The following KIAA0825 variants were observed in gnomAD, a reference collection of about 807,000 sequenced individuals.
The protein encoded by KIAA0825 is KIAA0825.
A neutral mutation model predicts 147.6 loss-of-function variants in KIAA0825; 119 were observed. The observed-to-expected ratio is 0.81, with a 90% CI of 0.69 to 0.94. The LOEUF (loss-of-function observed/expected upper bound fraction) is 0.94, where lower values mean the gene tolerates loss of function less well. Among genes scored for constraint, KIAA0825 ranks in the 40% least tolerant of loss-of-function variants. The pLI is 0.00. For synonymous variants in KIAA0825, 470 were observed against 518.1 expected (o/e 0.91, Z 1.26); for missense variants, 1,381 against 1,472.7 (o/e 0.94, Z 1.02).
At chr5:94,231,413 T>C (rs1343132799) in intron 20 of KIAA0825, among the ~76,000 whole-genome samples, 2 of 152,264 alleles carry the variant, frequency 1.3e-5, no homozygotes, top group Middle Eastern at 3.4e-3. Context: ...GGAGATAGTC[T>C]GAAATACTGC....
chr5:94,326,078 T>C lies in KIAA0825; in HGVS notation c.3710+58290A>G, dbSNP rs547452614. Among the ~76,000 whole-genome samples, 6 of 152,224 alleles carry C rather than the reference T, an allele frequency of 3.9e-5. No homozygotes were observed. The South Asian group carries it at 8.3e-4, about 21-fold the overall frequency. ...ATATTAATTCACCTTTTTAAAGATA[T>C]TATGTGTTGCTCCATTTTTTTGACA... On this transcript the variant is annotated intron_variant, in intron 20 of 20. Coordinates refer to ENST00000682413, the MANE Select transcript of KIAA0825 (RefSeq NM_001145678.3).
intron 20 of KIAA0825, among the ~76,000 whole-genome samples, chr5:94,224,082 C>CTTT (rs869059424): frequency 3.2e-3 from 182 of 56,474 alleles, no homozygotes; most frequent in Non-Finnish European, 3.6e-3. Flanking sequence ...TTTTTCTTTT[C>CTTT]TTTTTTTTTT....
Position 94,415,418 on chromosome 5 carries a change from A to G in KIAA0825, c.2662+1783T>C, listed in dbSNP as rs186993798. On this transcript the variant is annotated intron_variant, in intron 15 of 20. Transcript: ENST00000682413. Reference sequence around the variant, plus strand: ...TATGTTTCCAAATTAAACAAAAGTCATAGTAAAAGGCTTAATTTCGTTATG... The same window carrying G: ...TATGTTTCCAAATTAAACAAAAGTCGTAGTAAAAGGCTTAATTTCGTTATG... 9.8e-5 allele frequency: 15 copies of G among 152,316 alleles called. No individual in the cohort carries two copies. The East Asian group carries it at 2.9e-3, about 29-fold the overall frequency. 9.4% of individuals were successfully genotyped at this position (152,316 alleles called of 1,614,324 possible). A position where few individuals can be genotyped will look rare whatever the true frequency, so the allele number is the denominator to read the frequency against.
intron 20 of KIAA0825, among the ~76,000 whole-genome samples, chr5:94,162,818 CTG>C (rs1330458657): frequency 2.0e-5 from 3 of 152,152 alleles, no homozygotes; most frequent in Non-Finnish European, 4.4e-5. Context: ...ACACTGTAAT[CTG>C]TACCTTTTAA....
At chr5:94,224,477 A>G (rs1202388429) in intron 20 of KIAA0825, among the ~76,000 whole-genome samples, 1 of 152,078 alleles carries the variant, frequency 6.6e-6, no homozygotes, top group Non-Finnish European at 1.5e-5. Context: ...TCAGAGGAGA[A>G]TATACTTTTT....
intron 20 of KIAA0825, among the ~76,000 whole-genome samples, chr5:94,238,358 A>G (rs1775170887): frequency 6.6e-6 from 1 of 152,314 alleles, no homozygotes; most frequent in Non-Finnish European, 1.5e-5. Context: ...AAAATGATTC[A>G]GTTTATAGCC....
chr5:94,295,778 C>G (rs535965379), intron 20 of KIAA0825, among the ~76,000 whole-genome samples: 1 of 152,302 alleles, frequency 6.6e-6, no homozygotes, highest in South Asian at 2.1e-4. Flanking sequence ...AGATTGCTGC[C>G]TGTTCCTTCC....
At chr5:94,494,579 A>T (rs936878241) in intron 5 of KIAA0825, among the ~76,000 whole-genome samples, 4 of 152,164 alleles carry the variant, frequency 2.6e-5, no homozygotes, top group Admixed American at 1.3e-4. Context: ...CCTAATAAAA[A>T]GACATCTCTA....
chr5:94,386,796 T>C lies in KIAA0825; in HGVS notation c.3457-392A>G, dbSNP rs186758287. Among the ~76,000 whole-genome samples, 166 of 152,356 alleles carry C rather than the reference T, an allele frequency of 1.1e-3. 1 individual carries two copies. Among genetic ancestry groups the C allele is most frequent in the African/African-American group, 3.7e-3 (153 of 41,586 alleles). On this transcript the variant is annotated intron_variant, in intron 18 of 20. Coordinates refer to ENST00000682413, the MANE Select transcript of KIAA0825 (RefSeq NM_001145678.3). ...TAAGATTGCCCATCCATTCATTAAG[T>C]GTAGTTGTTAACTACTCCTGGCTCA...
intron 20 of KIAA0825, among the ~76,000 whole-genome samples, chr5:94,368,108 T>C (rs1028036822): frequency 4.6e-5 from 7 of 152,194 alleles, no homozygotes; most frequent in African/African-American, 1.4e-4. Context: ...GTTGTGTACA[T>C]AAAAGAGAAT....
intron 3 of KIAA0825, among the ~76,000 whole-genome samples, chr5:94,529,163 C>G (rs1480688397): frequency 3.4e-5 from 5 of 148,544 alleles, no homozygotes; most frequent in Non-Finnish European, 7.4e-5. Context: ...GGTAGGCATA[C>G]AGCAAATACT....
chr5:94,223,876 C>G (rs1200040139), intron 20 of KIAA0825, among the ~76,000 whole-genome samples: 5 of 151,804 alleles, frequency 3.3e-5, no homozygotes, highest in Non-Finnish European at 7.4e-5. Context: ...AAAGAAAAGC[C>G]CTCTTTGGGA....
rs576488176 is a variant in KIAA0825, at chr5:94,336,600, T to G, written c.3710+47768A>C. On this transcript the variant is annotated intron_variant, in intron 20 of 20. Transcript: ENST00000682413. ...TGCAAAGGACAAGAACTCATCCTTTTTTATGGCTGCATAGTATTCCATGGT... is the reference window on the plus strand; with the variant it reads ...TGCAAAGGACAAGAACTCATCCTTTGTTATGGCTGCATAGTATTCCATGGT... Among the ~76,000 whole-genome samples, 9 of 152,302 alleles carry G rather than the reference T, an allele frequency of 5.9e-5. No individual in the cohort carries two copies. The South Asian group carries it at 1.7e-3, about 28-fold the overall frequency.
intron 20 of KIAA0825, among the ~76,000 whole-genome samples, chr5:94,344,481 C>T (rs1353277019): frequency 6.6e-6 from 1 of 152,158 alleles, no homozygotes; most frequent in Non-Finnish European, 1.5e-5. Flanking sequence ...TAAAATAGTA[C>T]AGCTGCTATG....
chr5:94,271,543 T>C (rs1459309245), intron 20 of KIAA0825, among the ~76,000 whole-genome samples: 1 of 151,810 alleles, frequency 6.6e-6, no homozygotes. Flanking sequence ...AGGTCAAGAG[T>C]TCGAGACCTG....
At chr5:94,242,898 G>A (rs1162294191) in intron 20 of KIAA0825, among the ~76,000 whole-genome samples, 2 of 152,152 alleles carry the variant, frequency 1.3e-5, no homozygotes, top group Non-Finnish European at 2.9e-5. Flanking sequence ...TGGGATTACA[G>A]GTGTGAGCCA....
intron 14 of KIAA0825, among the ~76,000 whole-genome samples, chr5:94,438,961 G>C (rs889104590): frequency 6.6e-6 from 1 of 152,188 alleles, no homozygotes; most frequent in Non-Finnish European, 1.5e-5. Context: ...CGTTAAGACA[G>C]AGCATTCAAA....
intron 20 of KIAA0825, among the ~76,000 whole-genome samples, chr5:94,356,810 C>T (rs1186775592): frequency 2.1e-5 from 3 of 144,128 alleles, no homozygotes; most frequent in African/African-American, 7.9e-5. Flanking sequence ...CTGCAACCTC[C>T]GCCTCCCGGG....
intron 14 of KIAA0825, among the ~76,000 whole-genome samples, chr5:94,437,715 T>C (rs13163545): frequency 0.42 from 63,440 of 151,988 alleles, 13,702 homozygotes; most frequent in South Asian, 0.48. Context: ...TCAACTGATT[T>C]TACAATCTAT....
Sources: gnomAD v4.1 joint callset for allele counts (sites outside exome capture counted in the v4.1 genomes callset) on GRCh38, gnomAD v4.1.1 for gene constraint, MANE v1.5 for transcripts, NCBI Gene and HGNC (gene_info 2026-07-23, HGNC 2026-07-21) for gene names.